Variants in BNIP5 observed in about 807,000 individuals in gnomAD.
BNIP5 encodes BCL2 interacting protein 5.
A neutral mutation model predicts 67.3 loss-of-function variants in BNIP5; 61 were observed. The observed-to-expected ratio is 0.91, with a 90% CI of 0.74 to 1.12. The LOEUF is 1.12. BNIP5 is among the 50% of genes most tolerant of loss of function. The pLI, the probability that BNIP5 is intolerant of heterozygous loss-of-function variation, is 0.00. For missense variants in BNIP5, 826 were observed against 816.3 expected, an observed-to-expected ratio of 1.01 and a Z score of -0.14; for synonymous variants, 317 against 319.0, an observed-to-expected ratio of 0.99 and a Z score of 0.07.
At chr6:36,319,282 A>T in intron 11 of BNIP5, 74 bp downstream of exon 11, 2 of 1,563,142 alleles carry the variant, frequency 1.3e-6, no homozygotes. Context: ...GGATAAGTAG[A>T]TCCCACTGGA....
chr6:36,319,383 G>C lies in BNIP5; in HGVS notation c.1896C>G (p.Thr632=). Residue 632 remains threonine, a synonymous_variant, in exon 11 of 12, where the codon ACC becomes ACG. Coordinates refer to ENST00000437635, the MANE Select transcript of BNIP5 (RefSeq NM_001010903.5). ...GCTGGTCCTCCCTGTATGGGAACTG[G>C]GTGCAATTGTAGTGGTCTCTTAGGC... ...LMGLRDHYNC[T]QFPYREDQPN... The C allele has an allele frequency of 1.9e-6, 3 of 1,614,068 alleles. No individual in the cohort carries two copies. Among genetic ancestry groups the C allele is most frequent in the Non-Finnish European group, 2.5e-6 (3 of 1,180,036 alleles).
At chr6:36,333,363 A>G (rs1458881945) in intron 1 of BNIP5, among the ~76,000 whole-genome samples, 2 of 152,258 alleles carry the variant, frequency 1.3e-5, no homozygotes, top group East Asian at 3.8e-4. Context: ...TCTGGGCTAC[A>G]TGGAAACTTT....
At chr6:36,328,852 G>T in intron 2 of BNIP5, 138 bp from the exon 3 acceptor site, 1 of 645,254 alleles carries the variant, frequency 1.5e-6, no homozygotes, top group Non-Finnish European at 2.8e-6. Context: ...GCCCGCTCTA[G>T]GCTTAACCAA....
Position 36,330,095 on chromosome 6 carries a change from C to T in BNIP5, c.596G>A (p.Gly199Asp). Residue 199 changes from glycine to aspartate, a missense_variant, in exon 2 of 12, where the codon GGC (glycine) becomes GAC (aspartate). By Grantham distance (94) the Gly-to-Asp change is moderately conservative (BLOSUM62 -1). Coordinates refer to ENST00000437635, the MANE Select transcript of BNIP5 (RefSeq NM_001010903.5). ...GGTCCGCTCACCCCTGCGAGCTGGGCCCAGGTCAGCCTCCCCGGAGCGCAA... is the reference window on the plus strand; with the variant it reads ...GGTCCGCTCACCCCTGCGAGCTGGGTCCAGGTCAGCCTCCCCGGAGCGCAA... ...AALRSGEADL[G>D]PARRGGEDSD... 2 of 1,605,528 alleles carry T rather than the reference C, an allele frequency of 1.2e-6. No homozygotes were observed. Among genetic ancestry groups the T allele is most frequent in the Middle Eastern group, 1.7e-4 (1 of 6,044 alleles).
Position 36,324,192 on chromosome 6 carries a change from T to G in BNIP5, c.1169-2A>C. 1 of 1,613,188 alleles carries G rather than the reference T, an allele frequency of 6.2e-7. No homozygotes were observed. Among genetic ancestry groups the G allele is most frequent in the Non-Finnish European group, 8.5e-7 (1 of 1,179,290 alleles). Reference sequence around the variant, plus strand: ...AAATGATCTTCTGAATGAATTCTTCTGAAAAAGATCAACACGCATGGTTAA... The same window carrying G: ...AAATGATCTTCTGAATGAATTCTTCGGAAAAAGATCAACACGCATGGTTAA... On this transcript the variant is annotated splice_acceptor_variant, in intron 6 of 11. Coordinates refer to ENST00000437635, the MANE Select transcript of BNIP5 (RefSeq NM_001010903.5). LOFTEE classifies it high-confidence loss of function.
At position 36,334,213 on chromosome 6, in the gene BNIP5, C is replaced by T. The variant is rs544713719; in HGVS notation, c.-5+2499G>A. Reference sequence around the variant, plus strand: ...GGAAAGCTGCGGTGATTTGGCCGCTCCCTCCCTGGAATAACCGGTGCCCTG... The same window carrying T: ...GGAAAGCTGCGGTGATTTGGCCGCTTCCTCCCTGGAATAACCGGTGCCCTG... On this transcript the variant is annotated intron_variant, in intron 1 of 11. Coordinates refer to ENST00000437635, the MANE Select transcript of BNIP5 (RefSeq NM_001010903.5). 2.0e-5 allele frequency among the ~76,000 whole-genome samples: 3 copies of T among 152,170 alleles called. No individual in the cohort carries two copies. In the South Asian group the frequency reaches 6.2e-4, roughly 31 times the overall value.
chr6:36,329,613 C>G (rs1055909122), intron 2 of BNIP5, among the ~76,000 whole-genome samples: 1 of 152,132 alleles, frequency 6.6e-6, no homozygotes, highest in African/African-American at 2.4e-5. Flanking sequence ...GAGTTCAAGA[C>G]CAGCCTGGCC....
intron 9 of BNIP5, among the ~76,000 whole-genome samples, chr6:36,321,870 G>T (rs1398298099): frequency 6.6e-6 from 1 of 152,186 alleles, no homozygotes; most frequent in Non-Finnish European, 1.5e-5. Flanking sequence ...ACCATGCCAG[G>T]CTAATTCATT....
chr6:36,330,263 G>T lies in BNIP5; in HGVS notation c.428C>A (p.Ala143Asp), dbSNP rs368011554. 41 of 1,614,068 alleles carry T rather than the reference G, an allele frequency of 2.5e-5. No individual in the cohort carries two copies. The Middle Eastern group carries it at 4.9e-4, about 19-fold the overall frequency. ...GTCGTGGTGGGCTTTCTTCCTGAGG[G>T]CTGGCTCCCCTGCTGCTTCCAGGGG... ...PEPLEAAGEP[A>D]LRKKAHHDKK... The change falls in exon 2 of 12, where the codon GCC becomes GAC. Residue 143 changes from alanine to aspartate, a missense_variant. By Grantham distance (126) the Ala-to-Asp change is moderately radical. Transcript: ENST00000437635.
At chr6:36,325,520 T>C in intron 5 of BNIP5, 106 bp from the exon 6 acceptor site, 1 of 1,359,388 alleles carries the variant, frequency 7.4e-7, no homozygotes, top group Non-Finnish European at 1.0e-6. Context: ...TGGATCACAT[T>C]AAGGACTTAT....
At position 36,316,183 on chromosome 6, in the gene BNIP5, C is replaced by T. The variant is rs879126987; in HGVS notation, c.*1173G>A. On this transcript the variant is annotated 3_prime_UTR_variant, in exon 12 of 12. Transcript: ENST00000437635. The stretch of plus-strand genomic sequence containing the variant: ...CAGGTTCAACACGGCAATACCATGT[C>T]CCCAAGGGTCACAAGATCTCACTTG... 4.3e-6 allele frequency: 1 copy of T among 229,924 alleles called. No homozygotes were observed. The highest frequency in any genetic ancestry group is 1.8e-4 in the South Asian group (1 of 5,550). 14.2% of individuals were successfully genotyped at this position (229,924 alleles called of 1,614,324 possible).
Position 36,317,244 on chromosome 6 carries a change from A to AT in BNIP5, c.*111dup, listed in dbSNP as rs966940487. On this transcript the variant is annotated 3_prime_UTR_variant, in exon 12 of 12. Transcript: ENST00000437635. ...GAATGATTGTCTGCTCTTGTCTTCC[A>AT]TCACGTTTGTGAAGCAGGGATTGGG... The AT allele has an allele frequency of 1.2e-6, 1 of 860,050 alleles. No homozygotes were observed. Among genetic ancestry groups the AT allele is most frequent in the African/African-American group, 1.7e-5 (1 of 60,592 alleles). The allele number at this position is 860,050 out of a possible 1,614,324, so 53.3% of individuals were successfully genotyped here. A position where few individuals can be genotyped will look rare whatever the true frequency, so the allele number is the denominator to read the frequency against.
At position 36,329,922 on chromosome 6, in the gene BNIP5, AAGGGAGGGAGGAAGGG is replaced by A. The variant is rs1479341386; in HGVS notation, c.610+143_610+158del. 1.2e-4 allele frequency among the ~76,000 whole-genome samples: 17 copies of A among 143,164 alleles called. 1 individual carries two copies. The highest frequency in any genetic ancestry group is 6.8e-4 in the Admixed American group (10 of 14,660). The allele number at this position is 143,164 out of a possible 152,430, so 93.9% of individuals were successfully genotyped here. The stretch of plus-strand genomic sequence containing the variant: ...AGAGGAAGGAAGGAAGGAAAGAAGG[AAGGGAGGGAGGAAGGG>A]AGGGAGGAAGGAAGGAAGGAAGTCA... On this transcript the variant is annotated intron_variant, in intron 2 of 11. Transcript: ENST00000437635.
At chr6:36,324,996 A>T (rs1055707846) in intron 6 of BNIP5, among the ~76,000 whole-genome samples, 2 of 151,994 alleles carry the variant, frequency 1.3e-5, no homozygotes, top group African/African-American at 4.8e-5. Flanking sequence ...GGTCCATAAG[A>T]TCACCCCATT....
chr6:36,330,986 A>T (rs1262314936), intron 1 of BNIP5, among the ~76,000 whole-genome samples: 2 of 151,344 alleles, frequency 1.3e-5, no homozygotes, highest in East Asian at 1.9e-4. Flanking sequence ...TTGGTCTTGA[A>T]CTCCCGACCT....
At position 36,326,498 on chromosome 6, in the gene BNIP5, G is replaced by C; in HGVS notation, c.1036+12C>G. The C allele has an allele frequency of 1.9e-6, 3 of 1,614,068 alleles. No individual in the cohort carries two copies. Among genetic ancestry groups the C allele is most frequent in the Non-Finnish European group, 2.5e-6 (3 of 1,179,978 alleles). On this transcript the variant is annotated intron_variant, in intron 5 of 11. Coordinates refer to ENST00000437635, the MANE Select transcript of BNIP5 (RefSeq NM_001010903.5). Reference sequence around the variant, plus strand: ...CTGCAGGGTTGCTATGGCAACTGCAGAGCCTGCTCACCATAGCTGCTGGAG... The same window carrying C: ...CTGCAGGGTTGCTATGGCAACTGCACAGCCTGCTCACCATAGCTGCTGGAG...
At chr6:36,322,244 C>T in intron 9 of BNIP5, 67 bp downstream of exon 9, 2 of 1,595,122 alleles carry the variant, frequency 1.3e-6, no homozygotes, top group South Asian at 2.2e-5. Context: ...CCTATTCAGC[C>T]TGTGAACTCC....
At chr6:36,328,736 A>T (rs769836522) in intron 2 of BNIP5, 22 bp from the exon 3 acceptor site, 26 of 1,467,762 alleles carry the variant, frequency 1.8e-5, no homozygotes, top group South Asian at 3.4e-5. Context: ...ACGAAAGCAA[A>T]CGGGTATGTA....
rs540946099 is a variant in BNIP5, at chr6:36,327,967, G to A, written c.727+631C>T. Among the ~76,000 whole-genome samples, 12 of 151,970 alleles carry A rather than the reference G, an allele frequency of 7.9e-5. No homozygotes were observed. In the South Asian group the frequency reaches 1.7e-3, roughly 21 times the overall value. ...TTAGCTGCAAAATAACTAACTCAAT[G>A]CCTCTTAGTTATTCTTTGACATATG... On this transcript the variant is annotated intron_variant, in intron 3 of 11. Coordinates refer to ENST00000437635, the MANE Select transcript of BNIP5 (RefSeq NM_001010903.5).
Sources: allele counts gnomAD v4.1 joint callset (sites outside exome capture counted in the v4.1 genomes callset), GRCh38; gene constraint gnomAD v4.1.1; transcripts MANE v1.5; gene names NCBI Gene and HGNC (gene_info 2026-07-23, HGNC 2026-07-21).